FER1L6: variants seen among roughly 807,000 people sequenced by gnomAD.
The protein encoded by FER1L6 is fer-1-like protein 6.
A neutral mutation model predicts 219.2 loss-of-function variants in FER1L6; 177 were observed. The observed-to-expected ratio is 0.81, with a 90% CI of 0.71 to 0.91. The LOEUF is 0.91. FER1L6 is among the 40% of genes least tolerant of loss of function. FER1L6 has a pLI of 0.00. For synonymous variants in FER1L6, 768 were observed against 824.3 expected (o/e 0.93, Z 1.17); for missense variants, 2,153 against 2,259.9 (o/e 0.95, Z 0.96).
intron 1 of FER1L6, among the ~76,000 whole-genome samples, chr8:123,874,687 C>T (rs1816974937): frequency 6.6e-6 from 1 of 152,158 alleles, no homozygotes; most frequent in East Asian, 1.9e-4. Context: ...AGTCAATCCC[C>T]TCTGTATTCT....
At chr8:124,110,382 G>A (rs1822972434) in intron 39 of FER1L6, among the ~76,000 whole-genome samples, 1 of 152,100 alleles carries the variant, frequency 6.6e-6, no homozygotes, top group African/African-American at 2.4e-5. Flanking sequence ...TCAAACACAA[G>A]CAGTTCACTT....
intron 39 of FER1L6, 85 bp from the exon 40 acceptor site, chr8:124,118,759 C>T: frequency 8.8e-7 from 1 of 1,130,478 alleles, no homozygotes; most frequent in South Asian, 1.4e-5. Flanking sequence ...CTGGAATTCT[C>T]CAACTTGGTA....
At chr8:124,097,092 T>C (rs62520849) in intron 35 of FER1L6, among the ~76,000 whole-genome samples, 179 bp from the exon 36 acceptor site, 3 of 7,856 alleles carry the variant, frequency 3.8e-4, no homozygotes, top group Admixed American at 2.7e-3. Context: ...TATATATATA[T>C]ATACATACAT....
At chr8:123,996,378 C>T (rs367965639) in intron 12 of FER1L6, among the ~76,000 whole-genome samples, 2 of 152,094 alleles carry the variant, frequency 1.3e-5, no homozygotes, top group East Asian at 3.8e-4. Flanking sequence ...TATCCTCCTG[C>T]TGAAATGACT....
chr8:123,869,024 A>G (rs929869487), intron 1 of FER1L6, among the ~76,000 whole-genome samples: 2 of 152,184 alleles, frequency 1.3e-5, no homozygotes, highest in Non-Finnish European at 2.9e-5. Context: ...TAGATGTGCT[A>G]CTAGATGAGA....
intron 1 of FER1L6, among the ~76,000 whole-genome samples, chr8:123,949,053 C>T (rs1814632502): frequency 1.3e-5 from 2 of 152,290 alleles, no homozygotes; most frequent in Middle Eastern, 3.4e-3. Context: ...CTGGGTTCCT[C>T]TGTTTCCCCA....
At chr8:123,893,515 T>C (rs777956248) in intron 1 of FER1L6, among the ~76,000 whole-genome samples, 2 of 152,250 alleles carry the variant, frequency 1.3e-5, no homozygotes, top group African/African-American at 2.4e-5. Context: ...AGTATACATA[T>C]GTAAACAGGA....
intron 36 of FER1L6, 105 bp downstream of exon 36, chr8:124,097,464 T>C: frequency 2.3e-6 from 2 of 852,384 alleles, no homozygotes; most frequent in Non-Finnish European, 3.8e-6. Context: ...TCATCATACC[T>C]CACTATCCAC....
intron 14 of FER1L6, among the ~76,000 whole-genome samples, chr8:124,011,274 A>G (rs141793723): frequency 7.4e-4 from 112 of 152,166 alleles, no homozygotes; most frequent in African/African-American, 2.3e-3. Flanking sequence ...AACCCAGCCA[A>G]ATTCCAGGGC....
chr8:123,974,365 G>A (rs1413226150), intron 7 of FER1L6, among the ~76,000 whole-genome samples: 3 of 152,104 alleles, frequency 2.0e-5, no homozygotes. Context: ...GCCAGGTGCA[G>A]TGGCTCACAC....
intron 7 of FER1L6, among the ~76,000 whole-genome samples, chr8:123,974,119 A>C (rs923484575): frequency 3.9e-5 from 6 of 152,234 alleles, no homozygotes; most frequent in Admixed American, 2.0e-4. Context: ...GCAAGTAAGT[A>C]AAAGAGCCAG....
Position 124,049,750 on chromosome 8 carries a change from G to A in FER1L6, c.2868G>A (p.Leu956=). The A allele has an allele frequency of 6.2e-7, 1 of 1,613,912 alleles. No individual in the cohort carries two copies. Among genetic ancestry groups the A allele is most frequent in the Non-Finnish European group, 8.5e-7 (1 of 1,179,898 alleles). Residue 956 remains leucine, a synonymous_variant, in exon 22 of 41, where the codon CTG becomes CTA. Coordinates refer to ENST00000522917, the MANE Select transcript of FER1L6 (RefSeq NM_001039112.2). ...SGGDLLAVFE[L]LQVPPSGLQG... is the part of the protein sequence containing the mutation. ...GGGATCTCCTTGCTGTATTTGAACT[G>A]CTGCAGGTGAGTGAACCAGATGTGG... is the stretch of plus-strand genomic sequence containing the variant.
At chr8:123,875,549 C>T (rs960412183) in intron 1 of FER1L6, among the ~76,000 whole-genome samples, 8 of 152,128 alleles carry the variant, frequency 5.3e-5, no homozygotes, top group African/African-American at 1.9e-4. Context: ...ATACCATCTT[C>T]CAATTTTATA....
chr8:123,953,409 AGGT>A (rs1173797163), intron 1 of FER1L6, among the ~76,000 whole-genome samples: 1 of 152,182 alleles, frequency 6.6e-6, no homozygotes, highest in Non-Finnish European at 1.5e-5. Flanking sequence ...AGATCTCTGA[AGGT>A]GGTTCGAGAT....
chr8:123,934,174 C>T (rs1048609340), intron 1 of FER1L6, among the ~76,000 whole-genome samples: 4 of 152,254 alleles, frequency 2.6e-5, no homozygotes, highest in African/African-American at 7.2e-5. Context: ...AGTGCAGTGG[C>T]GCCACGTCGA....
intron 39 of FER1L6, among the ~76,000 whole-genome samples, chr8:124,107,427 G>A (rs1172633255): frequency 6.6e-6 from 1 of 152,114 alleles, no homozygotes; most frequent in Non-Finnish European, 1.5e-5. Context: ...AATGGCAAGG[G>A]GATCAAAAGA....
chr8:124,084,572 T>C (rs554111379), intron 33 of FER1L6, among the ~76,000 whole-genome samples: 10 of 152,260 alleles, frequency 6.6e-5, no homozygotes, highest in East Asian at 1.9e-4. Context: ...CACTGATTGA[T>C]TGTGTATGTC....
intron 38 of FER1L6, among the ~76,000 whole-genome samples, chr8:124,102,431 T>G (rs1185450497): frequency 2.0e-5 from 3 of 152,208 alleles, no homozygotes; most frequent in Admixed American, 6.5e-5. Context: ...GGGATAGTCA[T>G]AGAGAGAGGG....
intron 12 of FER1L6, among the ~76,000 whole-genome samples, chr8:123,988,854 G>C (rs1343466835): frequency 6.6e-6 from 1 of 152,062 alleles, no homozygotes; most frequent in African/African-American, 2.4e-5. Context: ...AGGACTCCCA[G>C]TATTATGTTC....
Sources: gnomAD v4.1 joint callset for allele counts (sites outside exome capture counted in the v4.1 genomes callset) on GRCh38, gnomAD v4.1.1 for gene constraint, MANE v1.5 for transcripts, NCBI Gene and HGNC (gene_info 2026-07-23, HGNC 2026-07-21) for gene names.